Variants in NT5DC3 observed in about 807,000 individuals in gnomAD.
NT5DC3 encodes 5'-nucleotidase domain-containing protein 3.
NT5DC3 carries 42 observed loss-of-function variants against 67.8 expected under a neutral mutation model. The observed-to-expected ratio is 0.62, with a 90% confidence interval of 0.48 to 0.80. The LOEUF (loss-of-function observed/expected upper bound fraction) is 0.80. Ranked by LOEUF, NT5DC3 falls within the 30% of genes least tolerant of loss-of-function variation. The pLI, the probability that NT5DC3 is intolerant of heterozygous loss-of-function variation, is 0.00. For synonymous variants in NT5DC3, 237 were observed against 255.6 expected, an observed-to-expected ratio of 0.93 and a Z score of 0.69; for missense variants, 570 against 696.4, an observed-to-expected ratio of 0.82 and a Z score of 2.04.
chr12:103,765,729 A>G (rs1184434715), downstream of NT5DC3, among the ~76,000 whole-genome samples: 2 of 130,398 alleles, frequency 1.5e-5, no homozygotes, highest in Non-Finnish European at 3.4e-5. Context: ...TTTTGTAGAG[A>G]TAAGGTTTCA....
chr12:103,784,575 C>T (rs1051896140), intron 12 of NT5DC3, among the ~76,000 whole-genome samples: 2 of 152,210 alleles, frequency 1.3e-5, no homozygotes, highest in African/African-American at 4.8e-5. Context: ...AGAGCAAGCA[C>T]CTGTGCCCAG....
intron 12 of NT5DC3, among the ~76,000 whole-genome samples, chr12:103,783,017 A>G (rs963284840): frequency 6.6e-6 from 1 of 152,116 alleles, no homozygotes; most frequent in South Asian, 2.1e-4. Context: ...CAAAAAAATG[A>G]CACTCTACTG....
At chr12:103,765,119 G>GGTAA in the NT5DC3 span, among the ~76,000 whole-genome samples, 413 of 149,254 alleles carry the variant, frequency 2.8e-3, 3 homozygotes, top group African/African-American at 9.6e-3. Context: ...AAAGGGAGGT[G>GGTAA]GTAAGTTCAG....
intron 5 of NT5DC3, among the ~76,000 whole-genome samples, chr12:103,797,470 T>TAA (rs59046659): frequency 2.2e-5 from 3 of 138,286 alleles, no homozygotes; most frequent in Non-Finnish European, 3.1e-5. Context: ...AACTCTGCCT[T>TAA]AAAAAAAAAA....
At chr12:103,766,631 T>C (rs1301441995), downstream of NT5DC3, 10 of 354,482 alleles carry the variant, frequency 2.8e-5, no homozygotes, top group South Asian at 3.6e-4. Flanking sequence ...CCCTGTTAGA[T>C]TGTAAGCCTC....
At chr12:103,752,437 A>C in the NT5DC3 span, among the ~76,000 whole-genome samples, 1 of 152,220 alleles carries the variant, frequency 6.6e-6, no homozygotes, top group Non-Finnish European at 1.5e-5. Context: ...TTGTGGCATT[A>C]TACAATGAAC....
the NT5DC3 span, chr12:103,746,444 G>C: frequency 1.5e-6 from 1 of 668,258 alleles, no homozygotes. Context: ...TCCAAGGCTA[G>C]AAAAGACCTT....
the NT5DC3 span, chr12:103,748,879 G>C: frequency 7.1e-7 from 1 of 1,413,040 alleles, no homozygotes; most frequent in Non-Finnish European, 9.7e-7. Context: ...AACACCACTA[G>C]TGCTGTGGTG....
At chr12:103,782,792 G>C (rs11111769) in intron 12 of NT5DC3, among the ~76,000 whole-genome samples, 118 of 152,272 alleles carry the variant, frequency 7.7e-4, no homozygotes, top group African/African-American at 2.5e-3. Context: ...TTTGAGACCA[G>C]CCTGGCTAAC....
At chr12:103,828,050 A>G (rs111596099) in intron 1 of NT5DC3, among the ~76,000 whole-genome samples, 21 of 152,218 alleles carry the variant, frequency 1.4e-4, no homozygotes, top group Non-Finnish European at 2.4e-4. Context: ...TCAGGAACAA[A>G]TGGTTCACTT....
the NT5DC3 span, among the ~76,000 whole-genome samples, chr12:103,752,094 C>G: frequency 5.9e-5 from 9 of 152,142 alleles, no homozygotes; most frequent in African/African-American, 2.2e-4. Flanking sequence ...GGTTCCGTTT[C>G]CAGGACCCCA....
At chr12:103,801,893 C>T (rs183906426) in intron 4 of NT5DC3, among the ~76,000 whole-genome samples, 1 of 152,296 alleles carries the variant, frequency 6.6e-6, no homozygotes, top group East Asian at 1.9e-4. Context: ...TGCAGGTATG[C>T]TTCATCTTCA....
intron 1 of NT5DC3, among the ~76,000 whole-genome samples, chr12:103,828,702 A>T (rs4964625): frequency 0.69 from 95,826 of 138,960 alleles, 32,446 homozygotes; most frequent in East Asian, 0.9. Context: ...CTTTCTTTTT[A>T]TTTTTTTTTT....
the NT5DC3 span, among the ~76,000 whole-genome samples, chr12:103,753,897 T>G: frequency 1.3e-5 from 2 of 152,088 alleles, no homozygotes; most frequent in African/African-American, 4.8e-5. Flanking sequence ...CTGGAGGGAC[T>G]GTGAAAAGAA....
In NT5DC3 at chr12:103,778,097, A is replaced by AAAAGC. The variant is rs1885405206; in HGVS notation, c.1395-21_1395-17dup. 6.3e-7 allele frequency: 1 copy of AAAAGC among 1,586,544 alleles called. No individual in the cohort carries two copies. The highest frequency in any genetic ancestry group is 1.8e-5 in the Admixed American group (1 of 55,392). On this transcript the variant is annotated splice_polypyrimidine_tract_variant and intron_variant, in intron 13 of 13. Coordinates refer to ENST00000392876, the MANE Select transcript of NT5DC3 (RefSeq NM_001031701.3). ...GGTCATTTCTCTGAAGAGGCAATAA[A>AAAAGC]AAAGCAAAGCAACAGAGAATGATTC... is the stretch of plus-strand genomic sequence containing the variant.
At chr12:103,768,356 A>G (rs148938669), downstream of NT5DC3, among the ~76,000 whole-genome samples, 11,552 of 148,450 alleles carry the variant, frequency 0.078, 593 homozygotes, top group Admixed American at 0.12. Flanking sequence ...AATCGCTTGA[A>G]CCTGAGAGGC....
chr12:103,772,269 C>T (rs1282413802), downstream of NT5DC3: 5 of 152,258 alleles, frequency 3.3e-5, no homozygotes, highest in Admixed American at 2.6e-4. Context: ...ACGTGGCAGA[C>T]TTAAGCACAC....
At chr12:103,794,093 A>T in intron 6 of NT5DC3, 96 bp from the exon 7 acceptor site, 5 of 920,548 alleles carry the variant, frequency 5.4e-6, no homozygotes, top group South Asian at 5.3e-5. Context: ...TTCTGTCCCT[A>T]GAAAGTCTGA....
At chr12:103,766,148 C>A, downstream of NT5DC3, 1 of 1,183,434 alleles carries the variant, frequency 8.4e-7, no homozygotes, top group Non-Finnish European at 1.2e-6. Flanking sequence ...AAGGCAGCAG[C>A]ACAAACAAAC....
Sources: allele counts gnomAD v4.1 joint callset (sites outside exome capture counted in the v4.1 genomes callset), GRCh38; gene constraint gnomAD v4.1.1; transcripts MANE v1.5; gene names NCBI Gene and HGNC (gene_info 2026-07-23, HGNC 2026-07-21).